The following UBA7 variants were observed in gnomAD, a reference collection of about 807,000 sequenced individuals.
UBA7 encodes ubiquitin like modifier activating enzyme 7.
A neutral mutation model predicts 113.0 loss-of-function variants in UBA7; 88 were observed. The observed-to-expected ratio is 0.78, with a 90% CI of 0.66 to 0.93. UBA7 has a LOEUF of 0.93. Among genes scored for constraint, UBA7 ranks in the 40% least tolerant of loss-of-function variants. UBA7 has a pLI of 0.00. For synonymous variants in UBA7, 459 were observed against 513.0 expected, an observed-to-expected ratio of 0.89 and a Z score of 1.42; for missense variants, 1,092 against 1,266.4, an observed-to-expected ratio of 0.86 and a Z score of 2.09.
At position 49,812,563 on chromosome 3, in the gene UBA7, G is replaced by T; in HGVS notation, c.559-20C>A. 6.2e-7 allele frequency: 1 copy of T among 1,614,160 alleles called. No homozygotes were observed. Among genetic ancestry groups the T allele is most frequent in the Non-Finnish European group, 8.5e-7 (1 of 1,180,020 alleles). ...GGAGCCCTGGGTAGGAGGAGGCTTG[G>T]CTCAGGGTTGCCTGGACCTGCCTTC... On this transcript the variant is annotated intron_variant, in intron 5 of 23. Coordinates refer to ENST00000333486, the MANE Select transcript of UBA7 (RefSeq NM_003335.3).
intron 18 of UBA7, 56 bp downstream of exon 18, chr3:49,808,920 A>G: frequency 6.3e-7 from 1 of 1,576,792 alleles, no homozygotes; most frequent in South Asian, 1.2e-5. Flanking sequence ...GGCTGAGGAC[A>G]GGACAGGTTC....
rs758122771 is a variant in UBA7 at position 49,808,375 on chromosome 3, T to C, written c.2430+11A>G. On this transcript the variant is annotated intron_variant, in intron 19 of 23. Transcript: ENST00000333486. The stretch of plus-strand genomic sequence containing the variant: ...CCCAGCCCCACTCCTCACTGCCACT[T>C]GGGCACCCACCTTCTCAAACATCAG... The C allele has an allele frequency of 6.2e-7, 1 of 1,614,074 alleles. No individual in the cohort carries two copies. The highest frequency in any genetic ancestry group is 2.2e-5 in the East Asian group (1 of 44,898).
chr3:49,809,797 C>T lies in UBA7; in HGVS notation c.1904+18G>A, dbSNP rs756039926. On this transcript the variant is annotated intron_variant, in intron 15 of 23. Coordinates refer to ENST00000333486, the MANE Select transcript of UBA7 (RefSeq NM_003335.3). ...CTTGGAGCCCTGGACTCCCATCTGC[C>T]TCTGTTGGTGGCCTTACTGTTGGTG... 6 of 1,614,000 alleles carry T rather than the reference C, an allele frequency of 3.7e-6. No individual in the cohort carries two copies. Among genetic ancestry groups the T allele is most frequent in the East Asian group, 2.2e-5 (1 of 44,904 alleles).
chr3:49,810,595 G>GC lies in UBA7; in HGVS notation c.1388dup (p.Thr465AspfsTer4). 6.2e-7 allele frequency: 1 copy of GC among 1,614,146 alleles called. No individual in the cohort carries two copies. Among genetic ancestry groups the GC allele is most frequent in the Non-Finnish European group, 8.5e-7 (1 of 1,180,020 alleles). On this transcript the variant is annotated frameshift_variant, in exon 12 of 24. Coordinates refer to ENST00000333486, the MANE Select transcript of UBA7 (RefSeq NM_003335.3). LOFTEE classifies it high-confidence loss of function. This position sits in a 1 kb window ranked among gnomAD's most constrained non-coding sequence, Gnocchi z 5.6. ...TGTGGTCCATGTCAACAACAGTCAAGCCCCCGCTGTTCCCGGCCCCCAGTC... is the reference window on the plus strand; with the variant it reads ...TGTGGTCCATGTCAACAACAGTCAAGCCCCCCGCTGTTCCCGGCCCCCAGTC...
Position 49,813,173 on chromosome 3 carries a change from G to T in UBA7, c.361-5C>A. On this transcript the variant is annotated splice_polypyrimidine_tract_variant and splice_region_variant and intron_variant, in intron 3 of 23. Transcript: ENST00000333486. ...TGCAGCAGTCAGCACCACCACCTGG[G>T]TGGACACAGTGATCAGCAGGGCCAA... is the stretch of plus-strand genomic sequence containing the variant. The T allele has an allele frequency of 6.2e-7, 1 of 1,613,966 alleles. No homozygotes were observed. Among genetic ancestry groups the T allele is most frequent in the Non-Finnish European group, 8.5e-7 (1 of 1,179,882 alleles).
At position 49,812,539 on chromosome 3, in the gene UBA7, G is replaced by A. The variant is rs750496969; in HGVS notation, c.563C>T (p.Ser188Phe). 3 of 1,614,174 alleles carry A rather than the reference G, an allele frequency of 1.9e-6. No homozygotes were observed. Among genetic ancestry groups the A allele is most frequent in the Non-Finnish European group, 2.5e-6 (3 of 1,180,034 alleles). The change falls in exon 6 of 24, where the codon TCC becomes TTC. Residue 188 changes from serine (S) to phenylalanine (F), a missense_variant. Physicochemically the swap from Ser to Phe is radical, Grantham distance 155. This residue lies in a region of UBA7 where 584 missense variants were observed against 714.5 expected (regional missense o/e 0.82). Coordinates refer to ENST00000333486, the MANE Select transcript of UBA7 (RefSeq NM_003335.3). ...TAAIQHISQGSPGILTLRKGA... is the reference protein window; with the variant it reads ...TAAIQHISQGFPGILTLRKGA... ...TTTCCTCAGAGTGAGAATGCCAGGG[G>A]AGCCCTGGGTAGGAGGAGGCTTGGC... is the stretch of plus-strand genomic sequence containing the variant.
chr3:49,808,225 TCTC>T (rs1647048290), intron 19 of UBA7, 113 bp from the exon 20 acceptor site: 2 of 1,518,592 alleles, frequency 1.3e-6, no homozygotes, highest in Non-Finnish European at 1.8e-6. Flanking sequence ...TTGCCCCACA[TCTC>T]CTCTTGATCA....
intron 7 of UBA7, 25 bp from the exon 8 acceptor site, chr3:49,812,041 C>G (rs760088816): frequency 5.7e-5 from 92 of 1,614,036 alleles, no homozygotes; most frequent in Non-Finnish European, 7.6e-5. Context: ...GGCTCAGGGT[C>G]TAGTCCAGAA....
Position 49,811,420 on chromosome 3 carries a change from G to A in UBA7, c.975C>T (p.Asp325=), listed in dbSNP as rs750138594. 8.7e-6 allele frequency: 14 copies of A among 1,600,542 alleles called. No homozygotes were observed. The South Asian group carries it at 1.6e-4, about 18-fold the overall frequency. ...DAETVVGLAR[D]LEPLKRTEEE... ...CCTCTGTCCGCTTCAGTGGTTCCAG[G>A]TCCCGGGCCAGGCCCACCACAGTCT... Residue 325 remains aspartate (D), a synonymous_variant, in exon 9 of 24, where the codon GAC becomes GAT. Transcript: ENST00000333486.
chr3:49,807,532 G>A lies in UBA7; in HGVS notation c.2715+204C>T, dbSNP rs1009054007. 1.4e-4 allele frequency among the ~76,000 whole-genome samples: 21 copies of A among 152,190 alleles called. No homozygotes were observed. The highest frequency in any genetic ancestry group is 4.8e-4 in the African/African-American group (20 of 41,440). On this transcript the variant is annotated intron_variant, in intron 21 of 23. Coordinates refer to ENST00000333486, the MANE Select transcript of UBA7 (RefSeq NM_003335.3). This position sits in a 1 kb window ranked among gnomAD's most constrained non-coding sequence, Gnocchi z 4.0. Reference sequence around the variant, plus strand: ...CCAGATCCTGGGCTTTGGAGGATTGGGGGTGGGGATGGCTGACGGCTGCTT... The same window carrying A: ...CCAGATCCTGGGCTTTGGAGGATTGAGGGTGGGGATGGCTGACGGCTGCTT...
At chr3:49,813,405 C>G in intron 2 of UBA7, 22 bp from the exon 3 acceptor site, 1 of 1,611,210 alleles carries the variant, frequency 6.2e-7, no homozygotes, top group Non-Finnish European at 8.5e-7. Context: ...GCCAGTGCAG[C>G]CTGAGCAAAG....
At position 49,811,933 on chromosome 3, in the gene UBA7, C is replaced by T; in HGVS notation, c.876G>A (p.Gln292=). ...GGAACTTGTGCAGTGCACAGAAGGC[C>T]TGATGCAGGCAGTGGGCATGGTGAA... ...QEVHHAHCLH[Q]AFCALHKFQH... The change falls in exon 8 of 24, where the codon CAG becomes CAA. Residue 292 remains glutamine, a synonymous_variant. Coordinates refer to ENST00000333486, the MANE Select transcript of UBA7 (RefSeq NM_003335.3). The T allele has an allele frequency of 6.2e-7, 1 of 1,614,230 alleles. No individual in the cohort carries two copies. The highest frequency in any genetic ancestry group is 1.7e-5 in the Admixed American group (1 of 60,036).
rs969526334 is a variant in UBA7, at chr3:49,809,734, A to G, written c.1905-9T>C. ...CCAGGGAAGTGTGTGCCCTGCAGAG[A>G]GAGGAGGAAGTGTGAGACTGAGTCC... is the stretch of plus-strand genomic sequence containing the variant. On this transcript the variant is annotated splice_polypyrimidine_tract_variant and intron_variant, in intron 15 of 23. Transcript: ENST00000333486. 1.9e-6 allele frequency: 3 copies of G among 1,613,884 alleles called. No homozygotes were observed. Among genetic ancestry groups the G allele is most frequent in the Non-Finnish European group, 2.5e-6 (3 of 1,180,022 alleles).
chr3:49,811,922 G>A lies in UBA7; in HGVS notation c.887C>T (p.Ala296Val). 1 of 1,614,222 alleles carries A rather than the reference G, an allele frequency of 6.2e-7. No homozygotes were observed. The highest frequency in any genetic ancestry group is 8.5e-7 in the Non-Finnish European group (1 of 1,180,050). Residue 296 changes from alanine to valine, a missense_variant, in exon 8 of 24, where the codon GCA becomes GTA. Transcript: ENST00000333486. ...HAHCLHQAFC[A>V]LHKFQHLHGR... is the part of the protein sequence containing the mutation. ...ATGGAGGTGCTGGAACTTGTGCAGT[G>A]CACAGAAGGCCTGATGCAGGCAGTG...
chr3:49,806,944 G>A (rs2081463107), intron 21 of UBA7, among the ~76,000 whole-genome samples: 1 of 152,140 alleles, frequency 6.6e-6, no homozygotes, highest in Admixed American at 6.5e-5. Flanking sequence ...AGGCTGCTCA[G>A]CAGAAACCCA....
At position 49,810,175 on chromosome 3, in the gene UBA7, C is replaced by A. The variant is rs186585671; in HGVS notation, c.1642G>T (p.Val548Leu). ...AGATAGTGGGTGCAACGAGCAGCCA[C>A]ATAGCGCCCTGGCAAGGGAGCAGTG... Reference protein sequence around the residue: ...ALDSFQARRYVAARCTHYLKP... With the variant: ...ALDSFQARRYLAARCTHYLKP... Residue 548 changes from valine (V) to leucine (L), a missense_variant, in exon 14 of 24, where the codon GTG (valine) becomes TTG (leucine). Transcript: ENST00000333486. The surrounding 1 kb of genome is among the most constrained non-coding windows in gnomAD (Gnocchi z 5.6). 6.4e-5 allele frequency: 104 copies of A among 1,613,206 alleles called. 1 individual carries two copies. In the Middle Eastern group the frequency reaches 1.5e-3, roughly 23 times the overall value.
At chr3:49,811,202 T>G (rs2081539352) in intron 9 of UBA7, 71 bp downstream of exon 9, 1 of 1,605,394 alleles carries the variant, frequency 6.2e-7, no homozygotes, top group Non-Finnish European at 8.5e-7. Context: ...TCTCTAGCGC[T>G]GGGTGCCCTC....
rs1197440502 is a variant in UBA7 at position 49,813,921 on chromosome 3, G to A, written c.-134C>T. 3.2e-5 allele frequency: 31 copies of A among 969,344 alleles called. No individual in the cohort carries two copies. Among genetic ancestry groups the A allele is most frequent in the Middle Eastern group, 2.2e-4 (1 of 4,616 alleles). 60.0% of individuals were successfully genotyped at this position (969,344 alleles called of 1,614,324 possible). Reference sequence around the variant, plus strand: ...AACCAAGGCCAAGCGAATAAGGGACGCTGCTGGTCACAGCTCTCTTCCTGG... The same window carrying A: ...AACCAAGGCCAAGCGAATAAGGGACACTGCTGGTCACAGCTCTCTTCCTGG... On this transcript the variant is annotated 5_prime_UTR_variant, in exon 1 of 24. Coordinates refer to ENST00000333486, the MANE Select transcript of UBA7 (RefSeq NM_003335.3).
intron 19 of UBA7, 136 bp downstream of exon 19, chr3:49,808,250 G>T: frequency 6.0e-6 from 9 of 1,508,978 alleles, no homozygotes; most frequent in Non-Finnish European, 8.3e-6. Context: ...ACAGGCTGAG[G>T]TTCAGGGAAT....
Sources: allele counts gnomAD v4.1 joint callset (sites outside exome capture counted in the v4.1 genomes callset), GRCh38; gene constraint gnomAD v4.1.1; regional missense constraint gnomAD v4.1.1; non-coding constraint Gnocchi (gnomAD v3.1); transcripts MANE v1.5; gene names NCBI Gene and HGNC (gene_info 2026-07-23, HGNC 2026-07-21).